Variants in MTSS1 observed in about 807,000 individuals in gnomAD.
The protein encoded by MTSS1 is MTSS I-BAR domain containing 1, also known as protein MTSS 1.
A neutral mutation model predicts 79.0 loss-of-function variants in MTSS1; 18 were observed. That is an observed-to-expected ratio of 0.23 (90% confidence interval 0.16 to 0.34). MTSS1 has a LOEUF of 0.34. Ranked by LOEUF, MTSS1 falls within the 10% of genes least tolerant of loss-of-function variation. The probability of loss-of-function intolerance (pLI) is 1.00; values close to 1 mark genes in which losing one functional copy is unlikely to be tolerated. For missense variants in MTSS1, 815 were observed against 986.2 expected, an observed-to-expected ratio of 0.83 and a Z score of 2.33; for synonymous variants, 341 against 368.6, an observed-to-expected ratio of 0.93 and a Z score of 0.86.
intron 3 of MTSS1, among the ~76,000 whole-genome samples, chr8:124,591,486 T>C (rs1177707316): frequency 6.6e-6 from 1 of 152,268 alleles, no homozygotes. Flanking sequence ...CCACACTCTG[T>C]TAGTTTCTAT....
chr8:124,657,522 G>A (rs986911465), intron 3 of MTSS1, among the ~76,000 whole-genome samples: 1 of 151,430 alleles, frequency 6.6e-6, no homozygotes, highest in African/African-American at 2.4e-5. Flanking sequence ...AGTCACATAT[G>A]GGTGTGAACA....
rs1587042612 is a variant in MTSS1, at chr8:124,589,727, G to A, written c.294-16C>T. On this transcript the variant is annotated splice_polypyrimidine_tract_variant and intron_variant, in intron 4 of 13. Transcript: ENST00000518547. ...AATTAAAGCGCTTTTACCAAGCGGG[G>A]GGGAAAAAGGGAGAAATTAAATAGA... The A allele has an allele frequency of 6.5e-7, 1 of 1,530,358 alleles. No homozygotes were observed. Among genetic ancestry groups the A allele is most frequent in the Non-Finnish European group, 9.0e-7 (1 of 1,110,350 alleles). The allele number at this position is 1,530,358 out of a possible 1,614,324, so 94.8% of individuals were successfully genotyped here. A position where few individuals can be genotyped will look rare whatever the true frequency, so the allele number is the denominator to read the frequency against.
chr8:124,571,940 G>A (rs1827881263), intron 6 of MTSS1, among the ~76,000 whole-genome samples: 1 of 151,972 alleles, frequency 6.6e-6, no homozygotes, highest in African/African-American at 2.4e-5. Flanking sequence ...CTCCAGCCTG[G>A]GCGACAGAGC....
chr8:124,727,402 T>G lies in MTSS1; in HGVS notation c.72+482A>C, dbSNP rs1310542651. 6.6e-6 allele frequency among the ~76,000 whole-genome samples: 1 copy of G among 152,144 alleles called. No homozygotes were observed. The highest frequency in any genetic ancestry group is 1.5e-5 in the Non-Finnish European group (1 of 68,010). ...GTAGACCTGACAGCCAAGGAGGGACTGGCTTTCCCTCTCAGTCTCCTAGGC... is the reference window on the plus strand; with the variant it reads ...GTAGACCTGACAGCCAAGGAGGGACGGGCTTTCCCTCTCAGTCTCCTAGGC... On this transcript the variant is annotated intron_variant, in intron 1 of 13. Transcript: ENST00000518547. The surrounding 1 kb of genome is among the most constrained non-coding windows in gnomAD (Gnocchi z 4.7).
chr8:124,712,289 G>A (rs1476119961), intron 1 of MTSS1, among the ~76,000 whole-genome samples: 1 of 152,188 alleles, frequency 6.6e-6, no homozygotes, highest in African/African-American at 2.4e-5. Context: ...CAGGGCGAGT[G>A]TGAGGAACAT....
At position 124,664,365 on chromosome 8, in the gene MTSS1, C is replaced by T. The variant is rs1822660516; in HGVS notation, c.208+35161G>A. Among the ~76,000 whole-genome samples the T allele has an allele frequency of 3.9e-5, 6 of 152,248 alleles. No individual in the cohort carries two copies. In the South Asian group the frequency reaches 1.2e-3, roughly 31 times the overall value. ...TGCTCCTCTACCACAGTGCCAGAGG[C>T]TGCTTCTCCAAGTAGCTTCCTACTG... On this transcript the variant is annotated intron_variant, in intron 3 of 13. Coordinates refer to ENST00000518547, the MANE Select transcript of MTSS1 (RefSeq NM_014751.6).
At position 124,727,461 on chromosome 8, in the gene MTSS1, CCA is replaced by C. The variant is rs549793213; in HGVS notation, c.72+421_72+422del. 2.0e-4 allele frequency: 88 copies of C among 437,978 alleles called. No homozygotes were observed. The highest frequency in any genetic ancestry group is 1.6e-3 in the African/African-American group (80 of 49,642). The allele number at this position is 437,978 out of a possible 1,614,324, so 27.1% of individuals were successfully genotyped here. A position where few individuals can be genotyped will look rare whatever the true frequency, so the allele number is the denominator to read the frequency against. On this transcript the variant is annotated intron_variant, in intron 1 of 13. Transcript: ENST00000518547. The surrounding 1 kb of genome is among the most constrained non-coding windows in gnomAD (Gnocchi z 4.7). ...TCCTTCCTGCGAGCGGGCAGAGCCC[CCA>C]CTTCCTCCCCACCACCGCGCCAGGC...
In MTSS1 at chr8:124,659,211, G is replaced by A. The variant is rs186878671; in HGVS notation, c.208+40315C>T. ...GCACAATAAAAAGTGCATTATTAAA[G>A]TACCCTTCTGCCCTGTTTAGAAGAA... On this transcript the variant is annotated intron_variant, in intron 3 of 13. Coordinates refer to ENST00000518547, the MANE Select transcript of MTSS1 (RefSeq NM_014751.6). 2.0e-5 allele frequency among the ~76,000 whole-genome samples: 3 copies of A among 152,248 alleles called. No homozygotes were observed. In the East Asian group the frequency reaches 5.8e-4, roughly 29 times the overall value.
In MTSS1 at chr8:124,696,841, G is replaced by C. The variant is rs147788747; in HGVS notation, c.208+2685C>G. On this transcript the variant is annotated intron_variant, in intron 3 of 13. Transcript: ENST00000518547. ...ATTCCAGCCTGGGTGACAAGAGCAA[G>C]AGTCCGTCTCAAAAAAAAAAAAAGA... Among the ~76,000 whole-genome samples the C allele has an allele frequency of 2.9e-3, 402 of 139,326 alleles. 1 individual carries two copies. Among genetic ancestry groups the C allele is most frequent in the African/African-American group, 0.01 (389 of 38,834 alleles). 91.4% of individuals were successfully genotyped at this position (139,326 alleles called of 152,430 possible). A position where few individuals can be genotyped will look rare whatever the true frequency, so the allele number is the denominator to read the frequency against.
intron 3 of MTSS1, among the ~76,000 whole-genome samples, chr8:124,677,602 A>G (rs1465991503): frequency 2.6e-5 from 4 of 152,126 alleles, no homozygotes; most frequent in Admixed American, 2.6e-4. Flanking sequence ...AGCAGGCTGC[A>G]TTTGGCCCAG....
chr8:124,688,248 C>CGTGTGTGTGTGCATGT (rs1563999487), intron 3 of MTSS1, among the ~76,000 whole-genome samples: 2 of 150,008 alleles, frequency 1.3e-5, no homozygotes, highest in East Asian at 3.9e-4. Context: ...GTATGTTGTG[C>CGTGTGTGTGTGCATGT]GTGTGTGTGT....
chr8:124,599,440 G>T lies in MTSS1; in HGVS notation c.209-8205C>A, dbSNP rs556024701. On this transcript the variant is annotated intron_variant, in intron 3 of 13. Transcript: ENST00000518547. ...AGAGGTTGCAGTGAGCCAAGATCACGCCACTGCACTCCAGCCTGGGGGACA... is the reference window on the plus strand; with the variant it reads ...AGAGGTTGCAGTGAGCCAAGATCACTCCACTGCACTCCAGCCTGGGGGACA... Among the ~76,000 whole-genome samples, 4 of 140,616 alleles carry T rather than the reference G, an allele frequency of 2.8e-5. No homozygotes were observed. The East Asian group carries it at 8.3e-4, about 29-fold the overall frequency. 92.2% of individuals were successfully genotyped at this position (140,616 alleles called of 152,430 possible).
intron 6 of MTSS1, among the ~76,000 whole-genome samples, chr8:124,574,389 T>C (rs991212019): frequency 3.3e-5 from 5 of 152,238 alleles, no homozygotes; most frequent in African/African-American, 1.2e-4. Flanking sequence ...ATATCCGTTT[T>C]GATAGATGGG....
chr8:124,664,708 C>T (rs1231557924), intron 3 of MTSS1, among the ~76,000 whole-genome samples: 1 of 152,204 alleles, frequency 6.6e-6, no homozygotes, highest in Non-Finnish European at 1.5e-5. Context: ...TGACTAGTAG[C>T]TTTTGCTTAC....
intron 3 of MTSS1, among the ~76,000 whole-genome samples, chr8:124,677,260 T>C (rs894375371): frequency 6.6e-6 from 1 of 152,138 alleles, no homozygotes; most frequent in African/African-American, 2.4e-5. Flanking sequence ...AGAGGAAATA[T>C]ATTTTCTACC....
chr8:124,727,615 A>C lies in MTSS1; in HGVS notation c.72+269T>G. On this transcript the variant is annotated intron_variant, in intron 1 of 13. Coordinates refer to ENST00000518547, the MANE Select transcript of MTSS1 (RefSeq NM_014751.6). This position sits in a 1 kb window ranked among gnomAD's most constrained non-coding sequence, Gnocchi z 4.7. ...GCCAGTGCCTTGAGCCCCCGAGGGA[A>C]AGAAATGGTGCCGCCCCCTGGGACA... The C allele has an allele frequency of 3.0e-5, 18 of 602,464 alleles. No homozygotes were observed. The highest frequency in any genetic ancestry group is 1.1e-4 in the East Asian group (3 of 27,878). 37.3% of individuals were successfully genotyped at this position (602,464 alleles called of 1,614,324 possible).
chr8:124,698,669 G>A (rs1587868747), intron 3 of MTSS1, among the ~76,000 whole-genome samples: 2 of 151,900 alleles, frequency 1.3e-5, no homozygotes, highest in South Asian at 2.1e-4. Flanking sequence ...GTGCCACCAC[G>A]CCTGGCTAAT....
At chr8:124,680,657 T>G (rs572468235) in intron 3 of MTSS1, among the ~76,000 whole-genome samples, 1 of 152,330 alleles carries the variant, frequency 6.6e-6, no homozygotes, top group East Asian at 1.9e-4. Flanking sequence ...GATAGTTATG[T>G]CTTGCAAACA....
chr8:124,634,283 TTTG>T (rs1340783043), intron 3 of MTSS1, among the ~76,000 whole-genome samples: 2 of 150,702 alleles, frequency 1.3e-5, no homozygotes, highest in South Asian at 2.1e-4. Flanking sequence ...CTAGTTTTTT[TTTG>T]TTGTTGTTGT....
Sources: gnomAD v4.1 joint callset for allele counts (sites outside exome capture counted in the v4.1 genomes callset) on GRCh38, gnomAD v4.1.1 for gene constraint, Gnocchi (gnomAD v3.1) non-coding constraint, MANE v1.5 for transcripts, NCBI Gene and HGNC (gene_info 2026-07-23, HGNC 2026-07-21) for gene names.